The following TCTN1 variants were observed in gnomAD, a reference collection of about 807,000 sequenced individuals.
TCTN1 encodes the protein tectonic-1.
TCTN1 carries 58 observed loss-of-function variants against 65.8 expected under a neutral mutation model. The ratio of observed to expected loss-of-function variants is 0.88; its 90% CI spans 0.71 to 1.10. The LOEUF (loss-of-function observed/expected upper bound fraction) is 1.10, where lower values mean the gene tolerates loss of function less well. Ranked by LOEUF, TCTN1 falls within the 50% of genes least tolerant of loss-of-function variation. The pLI is 0.00. For synonymous variants in TCTN1, 273 were observed against 289.1 expected (o/e 0.94, Z 0.57); for missense variants, 645 against 719.4 (o/e 0.90, Z 1.18).
chr12:110,632,223 A>G (rs1016924432), intron 4 of TCTN1, among the ~76,000 whole-genome samples: 1 of 152,200 alleles, frequency 6.6e-6, no homozygotes, highest in African/African-American at 2.4e-5. Flanking sequence ...TGTCTCATGT[A>G]CCCTTCCAGA....
chr12:110,630,267 TA>T (rs2066148008), intron 4 of TCTN1: 1 of 152,238 alleles, frequency 6.6e-6, no homozygotes, highest in South Asian at 2.1e-4. Flanking sequence ...ATAGAGGATT[TA>T]AGGTTGTTTA....
intron 10 of TCTN1, 193 bp downstream of exon 10, chr12:110,641,820 A>C (rs991919039): frequency 1.8e-5 from 11 of 595,176 alleles, no homozygotes; most frequent in Non-Finnish European, 2.9e-5. Flanking sequence ...GGAGACTGGC[A>C]GTTGGGGGTG....
At chr12:110,636,540 T>G (rs1178034920) in intron 7 of TCTN1, 39 bp downstream of exon 7, 1 of 1,133,510 alleles carries the variant, frequency 8.8e-7, no homozygotes, top group Non-Finnish European at 1.3e-6. Flanking sequence ...GAAAGTAGGA[T>G]AGTTTATAAT....
intron 3 of TCTN1, among the ~76,000 whole-genome samples, chr12:110,626,835 A>G (rs1359898415): frequency 1.4e-5 from 2 of 143,952 alleles, no homozygotes; most frequent in African/African-American, 5.2e-5. Context: ...CAACGGCTCA[A>G]TCTCGGCTCA....
chr12:110,649,092 G>C lies in TCTN1; in HGVS notation c.*51G>C. ...AATATACACGTGAAATTTGAAAACT[G>C]TACATTCGGTGAGATTAAATTTTAT... On this transcript the variant is annotated 3_prime_UTR_variant, in exon 15 of 15. Transcript: ENST00000397659. 1 of 611,644 alleles carries C rather than the reference G, an allele frequency of 1.6e-6. No homozygotes were observed. Among genetic ancestry groups the C allele is most frequent in the South Asian group, 1.5e-5 (1 of 64,930 alleles). The allele number at this position is 611,644 out of a possible 1,614,324, so 37.9% of individuals were successfully genotyped here.
At chr12:110,643,391 C>T (rs991569887) in intron 11 of TCTN1, 2 of 152,138 alleles carry the variant, frequency 1.3e-5, no homozygotes, top group African/African-American at 4.8e-5. Flanking sequence ...CAGCGCTGCG[C>T]AGCTTGTTAT....
intron 3 of TCTN1, chr12:110,627,833 G>T: frequency 1.7e-6 from 1 of 600,320 alleles, no homozygotes; most frequent in South Asian, 2.0e-5. Flanking sequence ...GGATATCAAA[G>T]ATCAGAGACA....
intron 11 of TCTN1, 125 bp downstream of exon 11, chr12:110,642,514 TATC>T: frequency 7.4e-7 from 1 of 1,353,620 alleles, no homozygotes; most frequent in Non-Finnish European, 1.0e-6. Context: ...ACATATAGTA[TATC>T]ATCATGCATG....
intron 11 of TCTN1, among the ~76,000 whole-genome samples, 180 bp downstream of exon 11, chr12:110,642,569 C>T (rs1481711454): frequency 6.6e-5 from 10 of 152,080 alleles, no homozygotes; most frequent in African/African-American, 9.7e-5. Flanking sequence ...TTATTAAATA[C>T]GGCAAAGCAA....
chr12:110,622,910 C>G (rs989881582), intron 2 of TCTN1, among the ~76,000 whole-genome samples: 2 of 152,142 alleles, frequency 1.3e-5, no homozygotes, highest in East Asian at 1.9e-4. Context: ...TAACGGTTTC[C>G]CTCCCCATCC....
At chr12:110,622,773 C>T (rs746403745) in intron 2 of TCTN1, among the ~76,000 whole-genome samples, 3 of 152,110 alleles carry the variant, frequency 2.0e-5, no homozygotes, top group Non-Finnish European at 4.4e-5. Context: ...GTCCTGAAGT[C>T]CACAGGGCCT....
intron 12 of TCTN1, chr12:110,645,475 G>A: frequency 2.9e-6 from 1 of 347,876 alleles, no homozygotes; most frequent in Non-Finnish European, 5.6e-6. Flanking sequence ...TCATCCTGTT[G>A]CTACCATCAT....
In TCTN1 at chr12:110,645,052, C is replaced by T. The variant is rs757074241; in HGVS notation, c.1417C>T (p.Pro473Ser). ...CCAGGGCTTCCCAGATTACGTGGCC[C>T]CTTTTGGAAATTCCCAGGCCCAGGA... ...WGQGFPDYVA[P>S]FGNSQAQDML... The change falls in exon 12 of 15, where the codon CCT (proline) becomes TCT (serine). Residue 473 changes from proline to serine, a missense_variant. Transcript: ENST00000397659. 23 of 1,614,166 alleles carry T rather than the reference C, an allele frequency of 1.4e-5. No homozygotes were observed. Among genetic ancestry groups the T allele is most frequent in the Non-Finnish European group, 1.9e-5 (23 of 1,180,024 alleles).
intron 1 of TCTN1, chr12:110,616,391 A>G: frequency 3.0e-6 from 1 of 330,608 alleles, no homozygotes; most frequent in Admixed American, 3.3e-5. Flanking sequence ...AGCTGGAACT[A>G]CAGGTGCTGC....
intron 1 of TCTN1, chr12:110,616,149 T>G (rs926814871): frequency 1.1e-5 from 3 of 261,054 alleles, no homozygotes; most frequent in Non-Finnish European, 2.5e-5. Context: ...TGTTAATGCA[T>G]TTTCTCTCCA....
At chr12:110,619,723 A>G in intron 1 of TCTN1, 113 bp from the exon 2 acceptor site, 1 of 1,553,258 alleles carries the variant, frequency 6.4e-7, no homozygotes, top group Non-Finnish European at 8.8e-7. Flanking sequence ...TGCAATAGGA[A>G]AAATAAAATG....
At chr12:110,628,214 G>A (rs2135998681) in intron 3 of TCTN1, 1 of 1,535,850 alleles carries the variant, frequency 6.5e-7, no homozygotes, top group Non-Finnish European at 8.7e-7. Context: ...CTTCTGTTGT[G>A]CTGTTTACTT....
At chr12:110,616,507 T>C (rs1462749494) in intron 1 of TCTN1, among the ~76,000 whole-genome samples, 1 of 152,042 alleles carries the variant, frequency 6.6e-6, no homozygotes, top group East Asian at 1.9e-4. Context: ...AGGCCTCCCA[T>C]AGTGTTAGGA....
Position 110,626,500 on chromosome 12 carries a change from TTTGACA to T in TCTN1, c.472+13_472+18del. On this transcript the variant is annotated intron_variant, in intron 3 of 14. Coordinates refer to ENST00000397659, the MANE Select transcript of TCTN1 (RefSeq NM_001082538.3). The stretch of plus-strand genomic sequence containing the variant: ...GCATTCATATTACAAACTGTAAGTA[TTTGACA>T]TTGATATATTTTGTGAAGCTCTGGA... 6.2e-7 allele frequency: 1 copy of T among 1,610,894 alleles called. No individual in the cohort carries two copies. Among genetic ancestry groups the T allele is most frequent in the Non-Finnish European group, 8.5e-7 (1 of 1,178,870 alleles).
Sources: allele counts gnomAD v4.1 joint callset (sites outside exome capture counted in the v4.1 genomes callset), GRCh38; gene constraint gnomAD v4.1.1; transcripts MANE v1.5; gene names NCBI Gene and HGNC (gene_info 2026-07-23, HGNC 2026-07-21).